The following SGCZ variants were observed in gnomAD, a reference collection of about 807,000 sequenced individuals.
SGCZ encodes zeta-sarcoglycan.
In SGCZ, 40 loss-of-function variants were observed where a neutral mutation model predicts 41.3. That is an observed-to-expected ratio of 0.97 (90% CI 0.75 to 1.26). SGCZ has a LOEUF of 1.26. Among genes scored for constraint, SGCZ ranks in the 50% most tolerant of loss-of-function variants. The pLI is 0.00. For synonymous variants in SGCZ, 206 were observed against 137.5 expected (o/e 1.50, Z -3.49); for missense variants, 552 against 369.8 (o/e 1.49, Z -4.04).
At chr8:14,530,791 T>C (rs1265963834) in intron 2 of SGCZ, among the ~76,000 whole-genome samples, 1 of 152,124 alleles carries the variant, frequency 6.6e-6, no homozygotes, top group Non-Finnish European at 1.5e-5. Context: ...AAGTCCGACA[T>C]GAGCCAAATA....
At chr8:15,101,747 T>A (rs1334259082) in intron 1 of SGCZ, among the ~76,000 whole-genome samples, 1 of 152,028 alleles carries the variant, frequency 6.6e-6, no homozygotes, top group Non-Finnish European at 1.5e-5. Context: ...CTGGAAAACA[T>A]GGTGGAATCC....
At chr8:14,352,620 G>C (rs2117108085) in intron 2 of SGCZ, among the ~76,000 whole-genome samples, 1 of 152,184 alleles carries the variant, frequency 6.6e-6, no homozygotes, top group African/African-American at 2.4e-5. Flanking sequence ...CGTGTCCTCT[G>C]GCTTGGGTAA....
intron 2 of SGCZ, among the ~76,000 whole-genome samples, chr8:14,422,927 C>T (rs950252107): frequency 6.6e-6 from 1 of 151,974 alleles, no homozygotes; most frequent in Non-Finnish European, 1.5e-5. Context: ...ACTTCAGGGA[C>T]TGAGGAGGGA....
chr8:14,981,215 A>G (rs1233068127), intron 1 of SGCZ, among the ~76,000 whole-genome samples: 2 of 152,156 alleles, frequency 1.3e-5, no homozygotes, highest in African/African-American at 2.4e-5. Context: ...TTCAAATCCC[A>G]TCTCTTCTAA....
chr8:14,561,622 C>A (rs990131934), intron 1 of SGCZ, among the ~76,000 whole-genome samples: 1 of 152,072 alleles, frequency 6.6e-6, no homozygotes, highest in Admixed American at 6.6e-5. Context: ...AATCAAATGA[C>A]TTCTAAAATC....
chr8:14,932,615 A>G (rs986131325), intron 1 of SGCZ, among the ~76,000 whole-genome samples: 8 of 152,048 alleles, frequency 5.3e-5, no homozygotes, highest in Non-Finnish European at 1.0e-4. Flanking sequence ...TCCTCAGAAT[A>G]GCTCTCAGCC....
In SGCZ at chr8:15,237,713, A is replaced by T; in HGVS notation, c.-90T>A. On this transcript the variant is annotated 5_prime_UTR_variant, in exon 1 of 8. Transcript: ENST00000382080. ...TAGTTTCCAGCTTAAACTCAGCTTT[A>T]TCCTCCTCCAAGCCCCGGCAGCTCC... 1 of 1,417,880 alleles carries T rather than the reference A, an allele frequency of 7.1e-7. No homozygotes were observed. The highest frequency in any genetic ancestry group is 2.0e-5 in the Admixed American group (1 of 50,520). 87.8% of individuals were successfully genotyped at this position (1,417,880 alleles called of 1,614,324 possible). A position where few individuals can be genotyped will look rare whatever the true frequency, so the allele number is the denominator to read the frequency against.
At position 14,440,705 on chromosome 8, in the gene SGCZ, GTATATACATAC is replaced by G. The variant is rs1310627119; in HGVS notation, c.234+114016_234+114026del. Among the ~76,000 whole-genome samples, 26 of 84,234 alleles carry G rather than the reference GTATATACATAC, an allele frequency of 3.1e-4. 1 individual carries two copies. The highest frequency in any genetic ancestry group is 9.7e-4 in the African/African-American group (26 of 26,882). 55.3% of individuals were successfully genotyped at this position (84,234 alleles called of 152,430 possible). ...TACGTATACACGTATATGTATATATGTATATACATACGTATACACGTATATGTATATATGTA... is the reference window on the plus strand; with the variant it reads ...TACGTATACACGTATATGTATATATGGTATACACGTATATGTATATATGTA... On this transcript the variant is annotated intron_variant, in intron 2 of 7. Coordinates refer to ENST00000382080, the MANE Select transcript of SGCZ (RefSeq NM_139167.4).
chr8:14,314,665 C>T lies in SGCZ; in HGVS notation c.336+9438G>A, dbSNP rs569645901. On this transcript the variant is annotated intron_variant, in intron 3 of 7. Coordinates refer to ENST00000382080, the MANE Select transcript of SGCZ (RefSeq NM_139167.4). ...GGTAAGTGAATGGTTTCAGTGTTTT[C>T]ATCAGTGGGTACATGGGTTGGTTCA... Among the ~76,000 whole-genome samples, 68 of 152,210 alleles carry T rather than the reference C, an allele frequency of 4.5e-4. 1 individual carries two copies. Among genetic ancestry groups the T allele is most frequent in the African/African-American group, 1.4e-3 (58 of 41,542 alleles).
chr8:14,724,532 C>T (rs988824959), intron 1 of SGCZ, among the ~76,000 whole-genome samples: 2 of 151,504 alleles, frequency 1.3e-5, no homozygotes, highest in Admixed American at 1.3e-4. Context: ...CTCATAAAAG[C>T]TTATTTTTCT....
chr8:14,907,469 T>G (rs953604399), intron 1 of SGCZ, among the ~76,000 whole-genome samples: 1 of 152,124 alleles, frequency 6.6e-6, no homozygotes, highest in Admixed American at 6.5e-5. Context: ...ATTGCAGGCA[T>G]AAGCCACTGC....
In SGCZ at chr8:14,320,908, G is replaced by C. The variant is rs909897557; in HGVS notation, c.336+3195C>G. On this transcript the variant is annotated intron_variant, in intron 3 of 7. Coordinates refer to ENST00000382080, the MANE Select transcript of SGCZ (RefSeq NM_139167.4). ...AGAACTACACGATGCAAATTTTGCT[G>C]GTTAGAAGTAGTTAAATGTATGTAA... 2.0e-5 allele frequency among the ~76,000 whole-genome samples: 3 copies of C among 152,120 alleles called. No individual in the cohort carries two copies. The South Asian group carries it at 6.2e-4, about 32-fold the overall frequency.
chr8:14,594,295 C>G (rs1461963897), intron 1 of SGCZ, among the ~76,000 whole-genome samples: 1 of 151,938 alleles, frequency 6.6e-6, no homozygotes, highest in Admixed American at 6.6e-5. Flanking sequence ...GGATTTGCAT[C>G]TTTATCAAGT....
At chr8:14,363,046 A>G (rs917765336) in intron 2 of SGCZ, among the ~76,000 whole-genome samples, 4 of 152,122 alleles carry the variant, frequency 2.6e-5, no homozygotes, top group African/African-American at 9.7e-5. Flanking sequence ...ATTATTTTCA[A>G]GGCCACTTTC....
In SGCZ at chr8:14,085,734, A is replaced by T. The variant is rs1424839406; in HGVS notation, c.*4709T>A. Among the ~76,000 whole-genome samples the T allele has an allele frequency of 6.6e-6, 1 of 151,804 alleles. No individual in the cohort carries two copies. Among genetic ancestry groups the T allele is most frequent in the Non-Finnish European group, 1.5e-5 (1 of 67,804 alleles). ...AAGGAGTTTGTTATGCATGTATAAA[A>T]GAAAAGTGGACCACACTAATGATGT... On this transcript the variant is annotated 3_prime_UTR_variant, in exon 8 of 8. Transcript: ENST00000382080.
intron 7 of SGCZ, among the ~76,000 whole-genome samples, chr8:14,095,571 G>A (rs1801817787): frequency 6.6e-6 from 1 of 152,148 alleles, no homozygotes; most frequent in Admixed American, 6.5e-5. Flanking sequence ...GCTTAGGATT[G>A]TCTTGGCTAT....
intron 4 of SGCZ, among the ~76,000 whole-genome samples, chr8:14,189,510 C>T (rs1733324352): frequency 6.6e-6 from 1 of 152,158 alleles, no homozygotes; most frequent in Non-Finnish European, 1.5e-5. Context: ...CACACACAGG[C>T]TTTTACACTT....
intron 1 of SGCZ, among the ~76,000 whole-genome samples, chr8:14,566,864 C>T (rs1458120349): frequency 7.9e-5 from 12 of 152,178 alleles, no homozygotes; most frequent in African/African-American, 1.7e-4. Flanking sequence ...ACGGTGCTTG[C>T]GGGCCAGTGC....
intron 1 of SGCZ, among the ~76,000 whole-genome samples, chr8:14,907,261 C>A (rs1460935776): frequency 6.6e-6 from 1 of 152,132 alleles, no homozygotes; most frequent in African/African-American, 2.4e-5. Flanking sequence ...ATGGCGTAAT[C>A]ATGGCTCACC....
Sources: gnomAD v4.1 joint callset for allele counts (sites outside exome capture counted in the v4.1 genomes callset) on GRCh38, gnomAD v4.1.1 for gene constraint, MANE v1.5 for transcripts, NCBI Gene and HGNC (gene_info 2026-07-23, HGNC 2026-07-21) for gene names.